Variants in LIN7A observed in about 807,000 individuals in gnomAD.
The protein encoded by LIN7A is protein lin-7 homolog A.
A neutral mutation model predicts 29.8 loss-of-function variants in LIN7A; 25 were observed. The ratio of observed to expected loss-of-function variants is 0.84; its 90% CI spans 0.61 to 1.17. The LOEUF is 1.17. Among genes scored for constraint, LIN7A ranks in the 50% most tolerant of loss-of-function variants. LIN7A has a pLI of 0.00. For missense variants in LIN7A, 239 were observed against 287.0 expected (o/e 0.83, Z 1.21); for synonymous variants, 118 against 107.5 (o/e 1.10, Z -0.60).
At chr12:80,821,688 G>C (rs1462396781) in intron 4 of LIN7A, among the ~76,000 whole-genome samples, 2 of 152,230 alleles carry the variant, frequency 1.3e-5, no homozygotes, top group African/African-American at 4.8e-5. Context: ...GCCAGTGGGA[G>C]CCAGCAACAG....
intron 1 of LIN7A, among the ~76,000 whole-genome samples, chr12:80,914,960 A>T (rs1771584293): frequency 6.6e-6 from 1 of 152,150 alleles, no homozygotes; most frequent in African/African-American, 2.4e-5. Flanking sequence ...AGGTGGGAGG[A>T]TCACTTGAGC....
intron 1 of LIN7A, among the ~76,000 whole-genome samples, chr12:80,915,007 T>G (rs964806764): frequency 1.3e-5 from 2 of 152,104 alleles, no homozygotes; most frequent in African/African-American, 4.8e-5. Context: ...AAGTGGAATC[T>G]AATTAAACTC....
intron 1 of LIN7A, among the ~76,000 whole-genome samples, chr12:80,927,790 C>T (rs1325365198): frequency 6.6e-6 from 1 of 152,034 alleles, no homozygotes; most frequent in African/African-American, 2.4e-5. Flanking sequence ...ACATGTGCCA[C>T]GTTGGTTTGC....
intron 4 of LIN7A, among the ~76,000 whole-genome samples, chr12:80,821,701 G>A (rs550918942): frequency 7.2e-5 from 11 of 152,294 alleles, no homozygotes; most frequent in African/African-American, 2.2e-4. Context: ...AGCAACAGGC[G>A]GAAACCCCAC....
intron 2 of LIN7A, among the ~76,000 whole-genome samples, chr12:80,865,741 G>A (rs149808537): frequency 1.5e-3 from 226 of 152,308 alleles, no homozygotes; most frequent in Non-Finnish European, 2.9e-3. Context: ...ATTGCTATGT[G>A]ATCTGGAGAG....
intron 5 of LIN7A, among the ~76,000 whole-genome samples, chr12:80,807,077 T>TTTTTTGTTTTTTTTTG (rs1555221362): frequency 8.7e-6 from 1 of 115,538 alleles, no homozygotes; most frequent in Non-Finnish European, 1.8e-5. Flanking sequence ...TTTTTTTTTT[T>TTTTTTGTTTTTTTTTG]TTTTTTTTTT....
chr12:80,840,112 C>A (rs933270604), intron 4 of LIN7A, among the ~76,000 whole-genome samples: 1 of 151,892 alleles, frequency 6.6e-6, no homozygotes, highest in Non-Finnish European at 1.5e-5. Flanking sequence ...CCATCAGTAC[C>A]AGTAAAATAT....
At chr12:80,889,758 G>A (rs562155273) in intron 1 of LIN7A, among the ~76,000 whole-genome samples, 1 of 152,162 alleles carries the variant, frequency 6.6e-6, no homozygotes, top group Non-Finnish European at 1.5e-5. Context: ...GTTTGTCATA[G>A]CTACAACGTT....
intron 5 of LIN7A, among the ~76,000 whole-genome samples, chr12:80,807,079 T>TTTGTTTTG (rs1565883861): frequency 1.5e-5 from 2 of 131,916 alleles, no homozygotes; most frequent in Non-Finnish European, 3.2e-5. Flanking sequence ...TTTTTTTTTT[T>TTTGTTTTG]TTTTTTTTTT....
chr12:80,891,801 G>A (rs1278305910), intron 1 of LIN7A, among the ~76,000 whole-genome samples: 1 of 152,164 alleles, frequency 6.6e-6, no homozygotes, highest in Non-Finnish European at 1.5e-5. Context: ...GAGAAGGAGG[G>A]AAGAATGTTC....
chr12:80,894,727 C>T (rs576726065), intron 1 of LIN7A, among the ~76,000 whole-genome samples: 39 of 152,296 alleles, frequency 2.6e-4, no homozygotes, highest in African/African-American at 9.1e-4. Context: ...CACAAATGCA[C>T]TCTACAGATC....
In LIN7A at chr12:80,880,751, G is replaced by GCACACACA. The variant is rs202207302; in HGVS notation, c.201+8492_201+8499dup. On this transcript the variant is annotated intron_variant, in intron 2 of 5. Transcript: ENST00000552864. ...ATAAACTCTGTTGGGAGGAGGCAAC[G>GCACACACA]CACACACACACACACACACACACAT... Among the ~76,000 whole-genome samples the GCACACACA allele has an allele frequency of 3.4e-4, 46 of 136,262 alleles. 1 individual carries two copies. The highest frequency in any genetic ancestry group is 1.6e-3 in the South Asian group (7 of 4,266). 89.4% of individuals were successfully genotyped at this position (136,262 alleles called of 152,430 possible). A position where few individuals can be genotyped will look rare whatever the true frequency, so the allele number is the denominator to read the frequency against.
At chr12:80,875,607 G>A (rs1349105856) in intron 2 of LIN7A, among the ~76,000 whole-genome samples, 6 of 152,086 alleles carry the variant, frequency 3.9e-5, no homozygotes, top group Non-Finnish European at 7.4e-5. Context: ...TTTTGTCTGC[G>A]ATTTCTATGA....
chr12:80,927,299 C>A (rs935964673), intron 1 of LIN7A, among the ~76,000 whole-genome samples: 17 of 151,554 alleles, frequency 1.1e-4, no homozygotes, highest in African/African-American at 4.1e-4. Context: ...GTAGCTGGGA[C>A]TACAGGCGCC....
At chr12:80,877,254 T>C (rs1874758701) in intron 2 of LIN7A, among the ~76,000 whole-genome samples, 1 of 151,930 alleles carries the variant, frequency 6.6e-6, no homozygotes, top group Non-Finnish European at 1.5e-5. Context: ...CCAACCAAGA[T>C]AGTGATAACC....
intron 2 of LIN7A, among the ~76,000 whole-genome samples, chr12:80,873,984 G>C (rs1874558826): frequency 6.6e-6 from 1 of 152,018 alleles, no homozygotes; most frequent in African/African-American, 2.4e-5. Flanking sequence ...ATAGGGAATA[G>C]GCAGCAAAGT....
At chr12:80,816,990 A>G (rs1216838382) in intron 4 of LIN7A, among the ~76,000 whole-genome samples, 2 of 151,982 alleles carry the variant, frequency 1.3e-5, no homozygotes, top group Admixed American at 6.6e-5. Flanking sequence ...CTGATCTCGA[A>G]CTCCTGGGCT....
At chr12:80,815,663 G>T in intron 4 of LIN7A, among the ~76,000 whole-genome samples, 1 of 152,156 alleles carries the variant, frequency 6.6e-6, no homozygotes, top group East Asian at 1.9e-4. Flanking sequence ...GGCTGAGAAG[G>T]TGGTTCTTAT....
chr12:80,914,229 T>C (rs538512344), intron 1 of LIN7A, among the ~76,000 whole-genome samples: 1 of 152,302 alleles, frequency 6.6e-6, no homozygotes, highest in South Asian at 2.1e-4. Context: ...TCGGGTTCCG[T>C]GAACAGAGTT....
Sources: gnomAD v4.1 joint callset for allele counts (sites outside exome capture counted in the v4.1 genomes callset) on GRCh38, gnomAD v4.1.1 for gene constraint, MANE v1.5 for transcripts, NCBI Gene and HGNC (gene_info 2026-07-23, HGNC 2026-07-21) for gene names.